CTNNA3: variants seen among roughly 807,000 people sequenced by gnomAD.
CTNNA3 encodes the protein catenin alpha-3.
In CTNNA3, 76 loss-of-function variants were observed where a neutral mutation model predicts 95.7. The ratio of observed to expected loss-of-function variants is 0.79; its 90% CI spans 0.66 to 0.96. The LOEUF (loss-of-function observed/expected upper bound fraction) is 0.96, where lower values mean the gene tolerates loss of function less well. CTNNA3 is among the 40% of genes least tolerant of loss of function. The probability of loss-of-function intolerance (pLI) is 0.00; values close to 1 mark genes in which losing one functional copy is unlikely to be tolerated. For missense variants in CTNNA3, 1,191 were observed against 1,089.8 expected (o/e 1.09, Z -1.31); for synonymous variants, 431 against 374.4 (o/e 1.15, Z -1.74).
At chr10:66,015,995 T>C (rs994072416) in intron 15 of CTNNA3, among the ~76,000 whole-genome samples, 1 of 152,168 alleles carries the variant, frequency 6.6e-6, no homozygotes, top group Non-Finnish European at 1.5e-5. Context: ...GGGAATTTAA[T>C]GCACAAACAA....
At chr10:65,976,902 T>G (rs1196015256) in intron 16 of CTNNA3, among the ~76,000 whole-genome samples, 1 of 152,172 alleles carries the variant, frequency 6.6e-6, no homozygotes, top group Non-Finnish European at 1.5e-5. Flanking sequence ...TTGCAAATAT[T>G]TTCTTTCAAA....
chr10:66,576,355 G>T (rs1018657617), intron 10 of CTNNA3, among the ~76,000 whole-genome samples: 1 of 151,936 alleles, frequency 6.6e-6, no homozygotes, highest in African/African-American at 2.4e-5. Flanking sequence ...TAGGTTTAGT[G>T]GTTACACATA....
chr10:65,943,126 T>C (rs544938987), intron 17 of CTNNA3, among the ~76,000 whole-genome samples: 1 of 151,408 alleles, frequency 6.6e-6, no homozygotes, highest in African/African-American at 2.4e-5. Flanking sequence ...AGCAGTGGCG[T>C]GATCTCGGCT....
At position 67,446,364 on chromosome 10, in the gene CTNNA3, G is replaced by A. The variant is rs566172604; in HGVS notation, c.579+75478C>T. On this transcript the variant is annotated intron_variant, in intron 5 of 17. Coordinates refer to ENST00000433211, the MANE Select transcript of CTNNA3 (RefSeq NM_013266.4). The stretch of plus-strand genomic sequence containing the variant: ...GACCGAACTCTCAATGCAGCAGATA[G>A]GGTTTCCTTCTAAAACCCCAAAGGA... Among the ~76,000 whole-genome samples, 49 of 152,176 alleles carry A rather than the reference G, an allele frequency of 3.2e-4. No homozygotes were observed. The South Asian group carries it at 9.3e-3, about 29-fold the overall frequency.
At chr10:67,298,629 C>CAGCT (rs1840139522) in intron 5 of CTNNA3, among the ~76,000 whole-genome samples, 1 of 152,176 alleles carries the variant, frequency 6.6e-6, no homozygotes, top group Non-Finnish European at 1.5e-5. Context: ...TATGAGTGAT[C>CAGCT]AGCTAGGTGT....
At chr10:66,836,139 A>G (rs772835788) in intron 7 of CTNNA3, among the ~76,000 whole-genome samples, 5 of 152,210 alleles carry the variant, frequency 3.3e-5, no homozygotes, top group Non-Finnish European at 7.3e-5. Flanking sequence ...ACCATGATCT[A>G]TATTAAGCTA....
chr10:67,742,987 G>C (rs1047624405), intron 1 of CTNNA3, among the ~76,000 whole-genome samples: 1 of 150,998 alleles, frequency 6.6e-6, no homozygotes, highest in Non-Finnish European at 1.5e-5. Context: ...CAATAACGGG[G>C]TCTGAAATTG....
intron 3 of CTNNA3, among the ~76,000 whole-genome samples, chr10:67,558,061 G>A (rs1327766184): frequency 6.6e-6 from 1 of 151,644 alleles, no homozygotes; most frequent in African/African-American, 2.4e-5. Flanking sequence ...GAAGAGTCTT[G>A]GAAATGTATC....
chr10:67,694,164 T>A (rs1358767893), intron 1 of CTNNA3, among the ~76,000 whole-genome samples: 1 of 152,194 alleles, frequency 6.6e-6, no homozygotes, highest in African/African-American at 2.4e-5. Flanking sequence ...GTAACGTAAG[T>A]GATCAACAAT....
intron 9 of CTNNA3, among the ~76,000 whole-genome samples, chr10:66,717,601 G>A (rs1848494309): frequency 6.6e-6 from 1 of 152,080 alleles, no homozygotes; most frequent in South Asian, 2.1e-4. Flanking sequence ...CAGGAGTAGG[G>A]GATGGTGGAA....
At chr10:66,650,917 A>G (rs4745905) in intron 9 of CTNNA3, among the ~76,000 whole-genome samples, 100,475 of 152,038 alleles carry the variant, frequency 0.66, 34,132 homozygotes, top group East Asian at 0.95. Context: ...CCTGGAAGGA[A>G]ACCCCAACAC....
intron 9 of CTNNA3, among the ~76,000 whole-genome samples, chr10:66,694,376 T>A (rs1030493356): frequency 4.6e-5 from 7 of 152,078 alleles, no homozygotes; most frequent in African/African-American, 1.7e-4. Flanking sequence ...AATGGATAAA[T>A]TCCTCGACAC....
chr10:66,559,616 G>A (rs76855923), intron 10 of CTNNA3, among the ~76,000 whole-genome samples: 8,734 of 151,876 alleles, frequency 0.058, 333 homozygotes, highest in African/African-American at 0.1. Flanking sequence ...GTTTCTTTCA[G>A]TTTCTTATGC....
chr10:67,506,281 G>A (rs1248637256), intron 5 of CTNNA3, among the ~76,000 whole-genome samples: 1 of 152,040 alleles, frequency 6.6e-6, no homozygotes, highest in African/African-American at 2.4e-5. Flanking sequence ...CCATCTTCTG[G>A]TGACATTTTC....
At chr10:67,665,712 C>T (rs1353472974) in intron 1 of CTNNA3, 1 of 152,146 alleles carries the variant, frequency 6.6e-6, no homozygotes, top group African/African-American at 2.4e-5. Context: ...ACTGACAGGA[C>T]ACAGTGGCCC....
chr10:66,420,838 T>TAAATAAAA (rs905152645), intron 11 of CTNNA3, among the ~76,000 whole-genome samples: 6 of 82,996 alleles, frequency 7.2e-5, no homozygotes, highest in East Asian at 3.4e-4. Flanking sequence ...AATAAATAAA[T>TAAATAAAA]AAAAAACAAT....
intron 5 of CTNNA3, among the ~76,000 whole-genome samples, chr10:67,484,731 G>A (rs377629152): frequency 3.3e-5 from 5 of 152,200 alleles, no homozygotes; most frequent in African/African-American, 1.2e-4. Flanking sequence ...ATCAGATAAT[G>A]CAAAATAAAA....
At chr10:66,052,771 A>G (rs1299273815) in intron 15 of CTNNA3, among the ~76,000 whole-genome samples, 1 of 152,126 alleles carries the variant, frequency 6.6e-6, no homozygotes, top group East Asian at 1.9e-4. Flanking sequence ...CAAAATTTTC[A>G]TGAGAGAGTA....
intron 2 of CTNNA3, among the ~76,000 whole-genome samples, chr10:67,631,027 T>C (rs746927535): frequency 1.8e-4 from 27 of 152,188 alleles, no homozygotes; most frequent in Non-Finnish European, 3.1e-4. Flanking sequence ...AACATAGAGA[T>C]GTAAATTCTT....
Sources: gnomAD v4.1 joint callset for allele counts (sites outside exome capture counted in the v4.1 genomes callset) on GRCh38, gnomAD v4.1.1 for gene constraint, MANE v1.5 for transcripts, NCBI Gene and HGNC (gene_info 2026-07-23, HGNC 2026-07-21) for gene names.